PIGK: variants seen among roughly 807,000 people sequenced by gnomAD.
PIGK encodes the protein phosphatidylinositol glycan anchor biosynthesis class K.
A neutral mutation model predicts 50.6 loss-of-function variants in PIGK; 42 were observed. That is an observed-to-expected ratio of 0.83 (90% CI 0.65 to 1.07). PIGK has a LOEUF of 1.07. PIGK is among the 50% of genes least tolerant of loss of function. The probability of loss-of-function intolerance (pLI) is 0.00; values close to 1 mark genes in which losing one functional copy is unlikely to be tolerated. For synonymous variants in PIGK, 151 were observed against 156.0 expected (o/e 0.97, Z 0.24); for missense variants, 448 against 488.7 (o/e 0.92, Z 0.78).
intron 10 of PIGK, among the ~76,000 whole-genome samples, chr1:77,098,240 A>T (rs958805760): frequency 2.6e-5 from 4 of 152,182 alleles, no homozygotes; most frequent in African/African-American, 9.6e-5. Context: ...TAAAAATAGA[A>T]GAAGAAAAAA....
chr1:77,140,574 G>T (rs1654627221), intron 9 of PIGK, among the ~76,000 whole-genome samples: 1 of 151,690 alleles, frequency 6.6e-6, no homozygotes, highest in South Asian at 2.1e-4. Context: ...GTAAAAGTGG[G>T]TTTTTTCATA....
intron 10 of PIGK, among the ~76,000 whole-genome samples, chr1:77,120,214 A>G (rs1557797825): frequency 6.6e-6 from 1 of 152,112 alleles, no homozygotes; most frequent in Non-Finnish European, 1.5e-5. Context: ...AAAAAGTTGC[A>G]TGCATTCATT....
chr1:77,122,433 C>A, intron 9 of PIGK, 74 bp from the exon 10 acceptor site: 1 of 799,778 alleles, frequency 1.3e-6, no homozygotes, highest in Non-Finnish European at 2.1e-6. Flanking sequence ...TTAAATATGT[C>A]AAATATGAAA....
chr1:77,094,613 G>A (rs570000088), intron 10 of PIGK, among the ~76,000 whole-genome samples: 31 of 152,138 alleles, frequency 2.0e-4, no homozygotes, highest in Non-Finnish European at 4.1e-4. Flanking sequence ...TTTCCAATGA[G>A]ATGGACTCCC....
Position 77,161,645 on chromosome 1 carries a change from A to G in PIGK, c.651T>C (p.Ser217=), listed in dbSNP as rs1655130867. ...QGASMYERFY[S]PNIMALASSQ... ...TACTAGCTAGAGCCATTATGTTAGG[A>G]GAATAAAATCGTTCATACATGGATG... Residue 217 remains serine, a synonymous_variant, in exon 7 of 11, where the codon TCT becomes TCC. Transcript: ENST00000370812. The G allele has an allele frequency of 3.1e-6, 5 of 1,589,664 alleles. No homozygotes were observed. Among genetic ancestry groups the G allele is most frequent in the Non-Finnish European group, 4.3e-6 (5 of 1,157,812 alleles).
chr1:77,210,621 AGTATTT>A (rs1226086772), intron 1 of PIGK, 132 bp from the exon 2 acceptor site: 7 of 567,702 alleles, frequency 1.2e-5, no homozygotes, highest in African/African-American at 2.0e-5. Flanking sequence ...TGAAGATTCC[AGTATTT>A]GTCATTATGG....
chr1:77,126,970 G>T (rs1170745740), intron 9 of PIGK, among the ~76,000 whole-genome samples: 1 of 151,978 alleles, frequency 6.6e-6, no homozygotes, highest in Non-Finnish European at 1.5e-5. Context: ...CTTAATAAGG[G>T]AATAATTTCT....
intron 2 of PIGK, among the ~76,000 whole-genome samples, chr1:77,207,811 C>A (rs1211995067): frequency 6.6e-6 from 1 of 152,096 alleles, no homozygotes; most frequent in Non-Finnish European, 1.5e-5. Flanking sequence ...TTGCCCCTGA[C>A]AAACAGAAAG....
intron 10 of PIGK, among the ~76,000 whole-genome samples, chr1:77,112,605 G>A (rs756019314): frequency 1.8e-4 from 27 of 152,052 alleles, no homozygotes; most frequent in Non-Finnish European, 2.4e-4. Flanking sequence ...TAACTAAGAT[G>A]TTAACTTACC....
intron 1 of PIGK, among the ~76,000 whole-genome samples, chr1:77,215,638 AT>A (rs1359525414): frequency 6.6e-6 from 1 of 152,190 alleles, no homozygotes; most frequent in Non-Finnish European, 1.5e-5. Context: ...TTGCAGCACT[AT>A]TCACAATAAC....
At chr1:77,195,452 A>G (rs1461504237) in intron 3 of PIGK, 4 of 932,460 alleles carry the variant, frequency 4.3e-6, no homozygotes, top group Non-Finnish European at 6.2e-6. Flanking sequence ...TTGGTCAATA[A>G]AATAGTTTGA....
At chr1:77,215,105 A>G (rs1399815831) in intron 1 of PIGK, among the ~76,000 whole-genome samples, 1 of 152,172 alleles carries the variant, frequency 6.6e-6, no homozygotes, top group Non-Finnish European at 1.5e-5. Context: ...TGCAATCTCT[A>G]TCAAAATACC....
chr1:77,199,751 G>C (rs1391661546), intron 3 of PIGK, among the ~76,000 whole-genome samples: 1 of 151,932 alleles, frequency 6.6e-6, no homozygotes, highest in Non-Finnish European at 1.5e-5. Context: ...AGATATTCTA[G>C]GTTTTCTAGG....
At chr1:77,188,968 G>A (rs924241092) in intron 3 of PIGK, among the ~76,000 whole-genome samples, 2 of 152,204 alleles carry the variant, frequency 1.3e-5, no homozygotes, top group African/African-American at 4.8e-5. Context: ...ATGATCATGT[G>A]ACCAGCTGCA....
intron 9 of PIGK, among the ~76,000 whole-genome samples, chr1:77,136,508 G>A (rs1189374399): frequency 1.6e-5 from 2 of 125,776 alleles, no homozygotes; most frequent in Non-Finnish European, 3.1e-5. Flanking sequence ...CAGCCTGGGC[G>A]ACTGGGCGAC....
chr1:77,117,309 T>G (rs1273774864), intron 10 of PIGK, among the ~76,000 whole-genome samples: 1 of 152,224 alleles, frequency 6.6e-6, no homozygotes, highest in Non-Finnish European at 1.5e-5. Flanking sequence ...AATTATCTAT[T>G]GAGACTTGGA....
At chr1:77,176,332 T>A (rs895927166) in intron 3 of PIGK, among the ~76,000 whole-genome samples, 2 of 152,210 alleles carry the variant, frequency 1.3e-5, no homozygotes, top group African/African-American at 4.8e-5. Flanking sequence ...TTATTTGACA[T>A]GTTATTTGGG....
At chr1:77,096,881 C>CTTTTTTTTTTTTTTTTTTT (rs141858558) in intron 10 of PIGK, among the ~76,000 whole-genome samples, 17 of 124,274 alleles carry the variant, frequency 1.4e-4, no homozygotes, top group African/African-American at 3.7e-4. Flanking sequence ...TCGGGTTTTT[C>CTTTTTTTTTTTTTTTTTTT]TTTTTTTTTT....
rs1195548257 is a variant in PIGK at position 77,108,926 on chromosome 1, T to C, written c.1071+13349A>G. ...CATTTGTCACGTAGTTCTTGTGCCA[T>C]GGTTTTCAGCTCCATCAGGTCATTT... On this transcript the variant is annotated intron_variant, in intron 10 of 10. Coordinates refer to ENST00000370812, the MANE Select transcript of PIGK (RefSeq NM_005482.3). Among the ~76,000 whole-genome samples the C allele has an allele frequency of 5.3e-5, 8 of 152,318 alleles. No individual in the cohort carries two copies. In the East Asian group the frequency reaches 7.7e-4, roughly 15 times the overall value.
Sources: allele counts gnomAD v4.1 joint callset (sites outside exome capture counted in the v4.1 genomes callset), GRCh38; gene constraint gnomAD v4.1.1; transcripts MANE v1.5; gene names NCBI Gene and HGNC (gene_info 2026-07-23, HGNC 2026-07-21).